DDR2: variants seen among roughly 807,000 people sequenced by gnomAD.
DDR2 encodes the protein discoidin domain receptor tyrosine kinase 2.
In DDR2, 27 loss-of-function variants were observed where a neutral mutation model predicts 94.9. The ratio of observed to expected loss-of-function variants is 0.28; its 90% CI spans 0.21 to 0.39. DDR2 has a LOEUF of 0.39. Among genes scored for constraint, DDR2 ranks in the 10% least tolerant of loss-of-function variants. DDR2 has a pLI of 1.00. For missense variants in DDR2, 783 were observed against 1,076.0 expected (o/e 0.73, Z 3.81); for synonymous variants, 382 against 377.2 (o/e 1.01, Z -0.15).
At chr1:162,717,711 A>C (rs1661234828) in intron 2 of DDR2, among the ~76,000 whole-genome samples, 1 of 152,138 alleles carries the variant, frequency 6.6e-6, no homozygotes, top group South Asian at 2.1e-4. Context: ...TTATAAGTAG[A>C]CTGAGGTAAT....
At chr1:162,654,682 C>G (rs1245875248) in intron 1 of DDR2, among the ~76,000 whole-genome samples, 3 of 151,984 alleles carry the variant, frequency 2.0e-5, no homozygotes, top group Non-Finnish European at 4.4e-5. Flanking sequence ...TTCAGGAGAT[C>G]CATAGATCAA....
chr1:162,655,597 G>T (rs1657915718), intron 2 of DDR2, among the ~76,000 whole-genome samples: 1 of 152,174 alleles, frequency 6.6e-6, no homozygotes, highest in Non-Finnish European at 1.5e-5. Flanking sequence ...TGATTTGGTT[G>T]TGACCAGCCC....
intron 2 of DDR2, among the ~76,000 whole-genome samples, chr1:162,661,593 G>A (rs930392924): frequency 6.6e-6 from 1 of 152,202 alleles, no homozygotes; most frequent in African/African-American, 2.4e-5. Context: ...AGAGACTTAG[G>A]CCAAGGATCA....
At chr1:162,770,139 G>A (rs1484934980) in intron 11 of DDR2, among the ~76,000 whole-genome samples, 163 bp from the exon 12 acceptor site, 3 of 152,084 alleles carry the variant, frequency 2.0e-5, no homozygotes, top group Non-Finnish European at 2.9e-5. Flanking sequence ...TACAACACAG[G>A]CATTTGTGGA....
chr1:162,786,754 G>C lies in DDR2; in HGVS notation c.*6508G>C, dbSNP rs1055469391. On this transcript the variant is annotated 3_prime_UTR_variant, in exon 18 of 18. Coordinates refer to ENST00000367921, the MANE Select transcript of DDR2 (RefSeq NM_006182.4). ...ATTTAAATAGACCTCTAACATATGAGTTGACTGTTTATTGGGAAGAAAGCA... is the reference window on the plus strand; with the variant it reads ...ATTTAAATAGACCTCTAACATATGACTTGACTGTTTATTGGGAAGAAAGCA... 1 of 152,176 alleles carries C rather than the reference G, an allele frequency of 6.6e-6. No individual in the cohort carries two copies. The highest frequency in any genetic ancestry group is 1.9e-4 in the East Asian group (1 of 5,200). 9.4% of individuals were successfully genotyped at this position (152,176 alleles called of 1,614,324 possible).
intron 1 of DDR2, among the ~76,000 whole-genome samples, chr1:162,635,880 G>A (rs1656792306): frequency 6.6e-6 from 1 of 152,140 alleles, no homozygotes; most frequent in Admixed American, 6.5e-5. Flanking sequence ...CAACTGTGTT[G>A]TCTTTGGCAA....
At chr1:162,742,518 A>T (rs903446616) in intron 3 of DDR2, among the ~76,000 whole-genome samples, 3 of 152,246 alleles carry the variant, frequency 2.0e-5, no homozygotes, top group African/African-American at 7.2e-5. Flanking sequence ...TCCCCTGTGA[A>T]CTTAGAGCGA....
At chr1:162,732,161 T>C (rs1662084759) in intron 3 of DDR2, among the ~76,000 whole-genome samples, 1 of 152,218 alleles carries the variant, frequency 6.6e-6, no homozygotes, top group Admixed American at 6.5e-5. Context: ...TAAAGGTCTA[T>C]TCCTAAGGGG....
At chr1:162,745,880 A>T (rs1333080179) in intron 3 of DDR2, among the ~76,000 whole-genome samples, 1 of 152,228 alleles carries the variant, frequency 6.6e-6, no homozygotes, top group African/African-American at 2.4e-5. Flanking sequence ...GAGATTTTGA[A>T]ATGCAATCAG....
At chr1:162,713,200 G>C (rs1661003632) in intron 2 of DDR2, among the ~76,000 whole-genome samples, 1 of 152,136 alleles carries the variant, frequency 6.6e-6, no homozygotes, top group South Asian at 2.1e-4. Flanking sequence ...CTATTCATGT[G>C]CAAGATGTGC....
chr1:162,664,668 T>C (rs1383464857), intron 2 of DDR2, among the ~76,000 whole-genome samples: 1 of 152,176 alleles, frequency 6.6e-6, no homozygotes, highest in Non-Finnish European at 1.5e-5. Flanking sequence ...ATATGCCAAA[T>C]TGTTAACTAT....
chr1:162,641,313 G>C (rs1312940243), intron 1 of DDR2, among the ~76,000 whole-genome samples: 8 of 152,084 alleles, frequency 5.3e-5, no homozygotes, highest in Admixed American at 5.2e-4. Context: ...GATAAGACTT[G>C]AGTCGCTATG....
chr1:162,667,153 A>C (rs886090298), intron 2 of DDR2, among the ~76,000 whole-genome samples: 10 of 152,092 alleles, frequency 6.6e-5, no homozygotes, highest in African/African-American at 2.4e-4. Flanking sequence ...CCAGTCACCC[A>C]GTTCCAGTGT....
chr1:162,777,597 A>C (rs1647652108), intron 16 of DDR2: 1 of 152,226 alleles, frequency 6.6e-6, no homozygotes, highest in South Asian at 2.1e-4. Flanking sequence ...TATGGTGTTC[A>C]AAACAATATA....
chr1:162,694,626 G>A (rs1660105511), intron 2 of DDR2, among the ~76,000 whole-genome samples: 1 of 152,032 alleles, frequency 6.6e-6, no homozygotes, highest in Non-Finnish European at 1.5e-5. Context: ...TAAGACACAT[G>A]TGGGAAGTAA....
chr1:162,637,538 A>G (rs1571126021), intron 1 of DDR2, among the ~76,000 whole-genome samples: 1 of 152,116 alleles, frequency 6.6e-6, no homozygotes, highest in South Asian at 2.1e-4. Context: ...ATTTGCTATC[A>G]GTTACTCAAT....
chr1:162,757,278 C>A (rs2805026), intron 7 of DDR2, among the ~76,000 whole-genome samples: 144,337 of 152,302 alleles, frequency 0.95, 68,880 homozygotes, highest in East Asian at 1. Flanking sequence ...ATTTTTCTGA[C>A]TGAAGGACCA....
intron 2 of DDR2, among the ~76,000 whole-genome samples, chr1:162,705,926 C>A (rs1278338244): frequency 6.6e-6 from 1 of 152,176 alleles, no homozygotes; most frequent in Non-Finnish European, 1.5e-5. Flanking sequence ...CTGAGACATG[C>A]AAAATATTCT....
chr1:162,742,706 T>C (rs1662672245), intron 3 of DDR2, among the ~76,000 whole-genome samples: 1 of 151,644 alleles, frequency 6.6e-6, no homozygotes, highest in Non-Finnish European at 1.5e-5. Context: ...GGTGTATTAA[T>C]CCATTTTCAT....
Sources: gnomAD v4.1 joint callset for allele counts (sites outside exome capture counted in the v4.1 genomes callset) on GRCh38, gnomAD v4.1.1 for gene constraint, MANE v1.5 for transcripts, NCBI Gene and HGNC (gene_info 2026-07-23, HGNC 2026-07-21) for gene names.